The following NSMCE2 variants were observed in gnomAD, a reference collection of about 807,000 sequenced individuals.
The protein encoded by NSMCE2 is E3 SUMO-protein ligase NSE2.
Under a neutral mutation model 23.8 loss-of-function variants are expected in NSMCE2, and 24 were observed. That is an observed-to-expected ratio of 1.01 (90% CI 0.73 to 1.42). NSMCE2 has a LOEUF of 1.42. Ranked by LOEUF, NSMCE2 falls within the 40% of genes most tolerant of loss-of-function variation. NSMCE2 has a pLI of 0.00. For missense variants in NSMCE2, 284 were observed against 296.5 expected (o/e 0.96, Z 0.31); for synonymous variants, 92 against 94.1 (o/e 0.98, Z 0.13).
intron 5 of NSMCE2, among the ~76,000 whole-genome samples, chr8:125,189,428 A>C (rs1823248452): frequency 6.6e-6 from 1 of 152,222 alleles, no homozygotes; most frequent in Non-Finnish European, 1.5e-5. Flanking sequence ...TTGCTTATGA[A>C]AGGTTTAAGG....
chr8:125,108,591 A>T (rs1563654476), intron 3 of NSMCE2, among the ~76,000 whole-genome samples: 1 of 152,236 alleles, frequency 6.6e-6, no homozygotes, highest in African/African-American at 2.4e-5. Context: ...CTAATGAGAT[A>T]ATATATGCTA....
intron 5 of NSMCE2, among the ~76,000 whole-genome samples, chr8:125,216,975 C>T (rs1824617526): frequency 6.6e-6 from 1 of 152,152 alleles, no homozygotes; most frequent in Admixed American, 6.5e-5. Context: ...AATGCATTGG[C>T]TTCAAATAGG....
intron 3 of NSMCE2, among the ~76,000 whole-genome samples, chr8:125,134,245 T>A (rs1586487190): frequency 6.6e-6 from 1 of 152,334 alleles, no homozygotes; most frequent in Middle Eastern, 3.4e-3. Context: ...TATGAAGACT[T>A]CTGAGTCATT....
chr8:125,223,629 C>G (rs1056930589), intron 5 of NSMCE2, among the ~76,000 whole-genome samples: 2 of 152,154 alleles, frequency 1.3e-5, no homozygotes, highest in Non-Finnish European at 2.9e-5. Flanking sequence ...CACATCCAAA[C>G]CAATACTTGT....
At chr8:125,338,219 A>C (rs1433808032) in intron 5 of NSMCE2, among the ~76,000 whole-genome samples, 2 of 150,472 alleles carry the variant, frequency 1.3e-5, no homozygotes, top group Admixed American at 6.7e-5. Flanking sequence ...CCAAAGCACC[A>C]TTTTCTTCTA....
chr8:125,342,832 G>C (rs537836707), intron 5 of NSMCE2, among the ~76,000 whole-genome samples: 2 of 152,146 alleles, frequency 1.3e-5, no homozygotes, highest in African/African-American at 2.4e-5. Context: ...TGACCACTTT[G>C]TCAGGCCGTG....
chr8:125,326,499 GAGCATATACAAA>G (rs1190284470), intron 5 of NSMCE2, among the ~76,000 whole-genome samples: 9 of 152,202 alleles, frequency 5.9e-5, no homozygotes, highest in African/African-American at 2.2e-4. Context: ...GGGATTTCTT[GAGCATATACAAA>G]AGCTTACAGT....
Position 125,291,891 on chromosome 8 carries a change from T to C in NSMCE2, c.419-65328T>C, listed in dbSNP as rs143745257. ...TATTAAACTGTAGATTTTTTTCCTA[T>C]ATAAAGTTCAGTGCAGATAAAGGGG... On this transcript the variant is annotated intron_variant, in intron 5 of 7. Transcript: ENST00000287437. Among the ~76,000 whole-genome samples the C allele has an allele frequency of 7.9e-5, 12 of 152,258 alleles. No homozygotes were observed. The East Asian group carries it at 2.3e-3, about 29-fold the overall frequency.
intron 5 of NSMCE2, among the ~76,000 whole-genome samples, chr8:125,249,305 A>G (rs1451757422): frequency 6.6e-6 from 1 of 152,162 alleles, no homozygotes; most frequent in Non-Finnish European, 1.5e-5. Flanking sequence ...GAATTCAGAG[A>G]GGGGAGAAAT....
At chr8:125,121,465 C>T (rs1175888333) in intron 3 of NSMCE2, among the ~76,000 whole-genome samples, 2 of 152,058 alleles carry the variant, frequency 1.3e-5, no homozygotes, top group African/African-American at 2.4e-5. Context: ...TTGGCTCATG[C>T]CCTCAAAAGG....
In NSMCE2 at chr8:125,154,765, A is replaced by G. The variant is rs71516768; in HGVS notation, c.264+3488A>G. Among the ~76,000 whole-genome samples the G allele has an allele frequency of 4.9e-3, 740 of 152,322 alleles. 4 individuals carry two copies. The highest frequency in any genetic ancestry group is 7.7e-3 in the Non-Finnish European group (527 of 68,024). ...TTTTTAGAGCTATAAGACAGTACAC[A>G]GATACACACTTTTTTTTAATCACTA... On this transcript the variant is annotated intron_variant, in intron 4 of 7. Coordinates refer to ENST00000287437, the MANE Select transcript of NSMCE2 (RefSeq NM_173685.4).
chr8:125,342,707 G>T (rs1464552042), intron 5 of NSMCE2, among the ~76,000 whole-genome samples: 1 of 151,748 alleles, frequency 6.6e-6, no homozygotes, highest in African/African-American at 2.4e-5. Flanking sequence ...TTTTTGTGGG[G>T]TATGTTTTCT....
chr8:125,143,489 A>G (rs201376919), intron 3 of NSMCE2, among the ~76,000 whole-genome samples: 9 of 152,284 alleles, frequency 5.9e-5, no homozygotes, highest in East Asian at 5.8e-4. Context: ...AATATTTATC[A>G]GAGTCTTCTG....
chr8:125,336,667 G>T (rs1023172875), intron 5 of NSMCE2, among the ~76,000 whole-genome samples: 2 of 152,216 alleles, frequency 1.3e-5, no homozygotes, highest in Non-Finnish European at 2.9e-5. Flanking sequence ...TGCCATGTGT[G>T]GCATTTTACT....
At chr8:125,215,093 A>G (rs932916445) in intron 5 of NSMCE2, among the ~76,000 whole-genome samples, 1 of 151,680 alleles carries the variant, frequency 6.6e-6, no homozygotes, top group African/African-American at 2.4e-5. Context: ...CACAATGTGC[A>G]GGTTAGTTAC....
chr8:125,137,576 C>CT (rs1257618208), intron 3 of NSMCE2, among the ~76,000 whole-genome samples: 17 of 152,084 alleles, frequency 1.1e-4, no homozygotes, highest in Non-Finnish European at 4.4e-5. Context: ...TCTCCTGCTC[C>CT]TTTTTTTACT....
intron 4 of NSMCE2, among the ~76,000 whole-genome samples, chr8:125,155,184 A>C (rs1821246131): frequency 6.6e-6 from 1 of 152,216 alleles, no homozygotes; most frequent in Non-Finnish European, 1.5e-5. Context: ...ATTAAAAATA[A>C]AGCATTCAGG....
chr8:125,113,746 T>C (rs1563657833), intron 3 of NSMCE2, among the ~76,000 whole-genome samples: 1 of 152,288 alleles, frequency 6.6e-6, no homozygotes, highest in Non-Finnish European at 1.5e-5. Flanking sequence ...GGATCCACCA[T>C]GTTCACATAG....
rs1389463515 is a variant in NSMCE2, at chr8:125,196,129, C to CTG, written c.418+13874_418+13875dup. ...GACCTCCTGACCTTATGTGATCCTC[C>CTG]TGCCTTGGCCTCCCAAAGTGCTGGG... On this transcript the variant is annotated intron_variant, in intron 5 of 7. Coordinates refer to ENST00000287437, the MANE Select transcript of NSMCE2 (RefSeq NM_173685.4). 3.3e-5 allele frequency among the ~76,000 whole-genome samples: 5 copies of CTG among 151,728 alleles called. No individual in the cohort carries two copies. In the East Asian group the frequency reaches 9.7e-4, roughly 29 times the overall value.
Sources: allele counts gnomAD v4.1 joint callset (sites outside exome capture counted in the v4.1 genomes callset), GRCh38; gene constraint gnomAD v4.1.1; transcripts MANE v1.5; gene names NCBI Gene and HGNC (gene_info 2026-07-23, HGNC 2026-07-21).